The following SLC25A26 variants were observed in gnomAD, a reference collection of about 807,000 sequenced individuals.
The protein encoded by SLC25A26 is solute carrier family 25 member 26.
SLC25A26 carries 36 observed loss-of-function variants against 37.8 expected under a neutral mutation model. The observed-to-expected ratio is 0.95, with a 90% CI of 0.73 to 1.26. The LOEUF is 1.26. Among genes scored for constraint, SLC25A26 ranks in the 50% most tolerant of loss-of-function variants. The probability of loss-of-function intolerance (pLI) is 0.00; values close to 1 mark genes in which losing one functional copy is unlikely to be tolerated. For synonymous variants in SLC25A26, 129 were observed against 122.5 expected (o/e 1.05, Z -0.35); for missense variants, 390 against 331.1 (o/e 1.18, Z -1.38).
At chr3:66,287,228 G>A (rs952618881) in intron 5 of SLC25A26, among the ~76,000 whole-genome samples, 9 of 151,668 alleles carry the variant, frequency 5.9e-5, no homozygotes, top group Non-Finnish European at 8.8e-5. Flanking sequence ...CCTGGGAGGC[G>A]GAGCTTGCAG....
At chr3:66,229,163 G>C (rs1013445470) in intron 1 of SLC25A26, among the ~76,000 whole-genome samples, 9 of 152,126 alleles carry the variant, frequency 5.9e-5, no homozygotes, top group African/African-American at 1.9e-4. Flanking sequence ...GTAGTTTATT[G>C]ATAATTGATT....
intron 1 of SLC25A26, among the ~76,000 whole-genome samples, chr3:66,160,517 AT>A (rs767438912): frequency 1.4e-4 from 22 of 152,250 alleles, no homozygotes; most frequent in Non-Finnish European, 2.2e-4. Flanking sequence ...GGATGCATCT[AT>A]TCCCAATACA....
At position 66,377,917 on chromosome 3, in the gene SLC25A26, G is replaced by T; in HGVS notation, c.*110G>T. The T allele has an allele frequency of 1.2e-6, 1 of 812,908 alleles. No homozygotes were observed. Among genetic ancestry groups the T allele is most frequent in the Non-Finnish European group, 2.0e-6 (1 of 489,596 alleles). The allele number at this position is 812,908 out of a possible 1,614,324, so 50.4% of individuals were successfully genotyped here. A position where few individuals can be genotyped will look rare whatever the true frequency, so the allele number is the denominator to read the frequency against. Reference sequence around the variant, plus strand: ...TAGGCCCCAGTGCTGAAGACCAGTTGTGCTAAGATACCGGCATGGAGATTG... The same window carrying T: ...TAGGCCCCAGTGCTGAAGACCAGTTTTGCTAAGATACCGGCATGGAGATTG... On this transcript the variant is annotated 3_prime_UTR_variant, in exon 10 of 10. Transcript: ENST00000354883.
At chr3:66,275,167 G>C (rs1000859290) in intron 5 of SLC25A26, among the ~76,000 whole-genome samples, 71 of 147,954 alleles carry the variant, frequency 4.8e-4, no homozygotes, top group Middle Eastern at 3.6e-3. Context: ...AACCAAACAC[G>C]GCATGTTCTC....
At chr3:66,296,326 T>C (rs1383328672) in intron 5 of SLC25A26, among the ~76,000 whole-genome samples, 1 of 152,202 alleles carries the variant, frequency 6.6e-6, no homozygotes, top group Non-Finnish European at 1.5e-5. Flanking sequence ...CAGATGCTTT[T>C]CCATGCATGG....
intron 1 of SLC25A26, among the ~76,000 whole-genome samples, chr3:66,195,145 G>C (rs2106800630): frequency 6.6e-6 from 1 of 152,288 alleles, no homozygotes; most frequent in East Asian, 1.9e-4. Context: ...ACGCATGCTC[G>C]CAATTATGCT....
chr3:66,216,954 C>T (rs1424880536), upstream of SLC25A26, among the ~76,000 whole-genome samples: 6 of 152,134 alleles, frequency 3.9e-5, no homozygotes, highest in Admixed American at 3.9e-4. Flanking sequence ...AAAAGGAAGC[C>T]CTAGGTCATG....
At position 66,313,939 on chromosome 3, in the gene SLC25A26, A is replaced by T. The variant is rs577715628; in HGVS notation, c.454-32425A>T. Reference sequence around the variant, plus strand: ...CTCTGCTTGCCTGTAGTTCGTGTATAGGAATGCTTGTGACTTTTGCATGTT... The same window carrying T: ...CTCTGCTTGCCTGTAGTTCGTGTATTGGAATGCTTGTGACTTTTGCATGTT... On this transcript the variant is annotated intron_variant, in intron 5 of 9. Coordinates refer to ENST00000354883, the MANE Select transcript of SLC25A26 (RefSeq NM_001379210.1). 3.3e-4 allele frequency among the ~76,000 whole-genome samples: 51 copies of T among 152,288 alleles called. No homozygotes were observed. The South Asian group carries it at 0.01, about 31-fold the overall frequency.
At chr3:66,283,400 C>A (rs543931739) in intron 5 of SLC25A26, among the ~76,000 whole-genome samples, 1 of 152,182 alleles carries the variant, frequency 6.6e-6, no homozygotes, top group East Asian at 1.9e-4. Flanking sequence ...CCTACCTCAG[C>A]TTCCTGAGAA....
chr3:66,363,819 T>A (rs980589100), intron 7 of SLC25A26, among the ~76,000 whole-genome samples: 1 of 152,206 alleles, frequency 6.6e-6, no homozygotes, highest in Non-Finnish European at 1.5e-5. Flanking sequence ...TATAGTACTC[T>A]TTATTAATAG....
intron 5 of SLC25A26, among the ~76,000 whole-genome samples, chr3:66,304,049 C>G (rs2075148351): frequency 6.6e-6 from 1 of 152,228 alleles, no homozygotes; most frequent in Admixed American, 6.5e-5. Context: ...ATCTCTCACA[C>G]TTCAGATCTT....
intron 1 of SLC25A26, among the ~76,000 whole-genome samples, chr3:66,187,360 T>A (rs887911230): frequency 2.0e-5 from 3 of 152,030 alleles, no homozygotes; most frequent in Non-Finnish European, 2.9e-5. Flanking sequence ...AATTGGACCT[T>A]TATGATGACT....
At chr3:66,246,270 A>G (rs1467280049) in intron 3 of SLC25A26, among the ~76,000 whole-genome samples, 1 of 152,210 alleles carries the variant, frequency 6.6e-6, no homozygotes, top group East Asian at 1.9e-4. Context: ...GCAACAAAAA[A>G]AGAACCTGGC....
chr3:66,277,694 A>G (rs991773487), intron 5 of SLC25A26, among the ~76,000 whole-genome samples: 8 of 152,110 alleles, frequency 5.3e-5, no homozygotes, highest in African/African-American at 1.9e-4. Context: ...TACAAAGGGG[A>G]AAATAGTAAT....
At chr3:66,244,711 G>T (rs6786918) in intron 3 of SLC25A26, among the ~76,000 whole-genome samples, 3,132 of 152,144 alleles carry the variant, frequency 0.021, 106 homozygotes, top group African/African-American at 0.072. Context: ...GGTGGCTCAC[G>T]CCTGTAATCC....
intron 3 of SLC25A26, among the ~76,000 whole-genome samples, chr3:66,260,107 A>G (rs1028396016): frequency 6.6e-6 from 1 of 152,100 alleles, no homozygotes; most frequent in South Asian, 2.1e-4. Flanking sequence ...AGGTTCTATA[A>G]TGGTGTAATC....
intron 1 of SLC25A26, among the ~76,000 whole-genome samples, chr3:66,139,686 C>T (rs2070005673): frequency 6.6e-6 from 1 of 152,214 alleles, no homozygotes; most frequent in African/African-American, 2.4e-5. Flanking sequence ...CAGTGTTACA[C>T]ATGCATAACC....
chr3:66,373,338 A>T (rs1484855618), intron 9 of SLC25A26, among the ~76,000 whole-genome samples: 8 of 152,194 alleles, frequency 5.3e-5, no homozygotes, highest in Non-Finnish European at 8.8e-5. Flanking sequence ...TCACTGTACA[A>T]ATTACTCCAC....
intron 5 of SLC25A26, among the ~76,000 whole-genome samples, chr3:66,274,428 C>G (rs1393453890): frequency 6.6e-6 from 1 of 151,944 alleles, no homozygotes; most frequent in Non-Finnish European, 1.5e-5. Context: ...AGAGCTTCTG[C>G]ACAGCAAAAG....
Sources: allele counts gnomAD v4.1 joint callset (sites outside exome capture counted in the v4.1 genomes callset), GRCh38; gene constraint gnomAD v4.1.1; transcripts MANE v1.5; gene names NCBI Gene and HGNC (gene_info 2026-07-23, HGNC 2026-07-21).